The following PRKCI variants were observed in gnomAD, a reference collection of about 807,000 sequenced individuals.
The protein encoded by PRKCI is protein kinase C iota, also known as protein kinase C iota type.
PRKCI carries 43 observed loss-of-function variants against 84.0 expected under a neutral mutation model. The ratio of observed to expected loss-of-function variants is 0.51; its 90% confidence interval spans 0.40 to 0.66. The LOEUF is 0.66. Ranked by LOEUF, PRKCI falls within the 30% of genes least tolerant of loss-of-function variation. The pLI is 0.00. For synonymous variants in PRKCI, 216 were observed against 234.4 expected (o/e 0.92, Z 0.72); for missense variants, 459 against 745.6 (o/e 0.62, Z 4.48).
At chr3:170,250,567 A>G (rs1733419393) in intron 2 of PRKCI, among the ~76,000 whole-genome samples, 1 of 151,770 alleles carries the variant, frequency 6.6e-6, no homozygotes, top group African/African-American at 2.4e-5. Flanking sequence ...CTGATTCTAG[A>G]CATTTCCTAT....
Position 170,222,587 on chromosome 3 carries a change from G to A in PRKCI, c.-83G>A, listed in dbSNP as rs149459853. On this transcript the variant is annotated 5_prime_UTR_variant, in exon 1 of 18. Coordinates refer to ENST00000295797, the MANE Select transcript of PRKCI (RefSeq NM_002740.6). ...GCGGACGGCCGCGGTTCTCCGGCAA[G>A]CGCAGGCGGCGGAGTCCCCCACGGC... 3,140 of 1,228,964 alleles carry A rather than the reference G, an allele frequency of 2.6e-3. 65 individuals are homozygous for A. The African/African-American group carries it at 0.043, about 17-fold the overall frequency. The allele number at this position is 1,228,964 out of a possible 1,614,324, so 76.1% of individuals were successfully genotyped here. A position where few individuals can be genotyped will look rare whatever the true frequency, so the allele number is the denominator to read the frequency against.
At position 170,284,614 on chromosome 3, in the gene PRKCI, GT is replaced by G; in HGVS notation, c.1203+20del. 1 of 1,604,254 alleles carries G rather than the reference GT, an allele frequency of 6.2e-7. No homozygotes were observed. Among genetic ancestry groups the G allele is most frequent in the Non-Finnish European group, 8.5e-7 (1 of 1,177,458 alleles). ...TGTGTAAGGTGAGGAAAATTTTCTA[GT>G]TATTTTAAAAGGTCTTCAGCAGCTA... On this transcript the variant is annotated intron_variant, in intron 12 of 17. Coordinates refer to ENST00000295797, the MANE Select transcript of PRKCI (RefSeq NM_002740.6).
intron 2 of PRKCI, among the ~76,000 whole-genome samples, chr3:170,243,581 A>G (rs535680246): frequency 6.6e-6 from 1 of 152,348 alleles, no homozygotes; most frequent in South Asian, 2.1e-4. Context: ...CTTTTATAAA[A>G]TGGAAAAAGA....
intron 14 of PRKCI, among the ~76,000 whole-genome samples, chr3:170,294,348 A>G (rs1377396002): frequency 6.6e-6 from 1 of 152,272 alleles, no homozygotes; most frequent in Non-Finnish European, 1.5e-5. Flanking sequence ...ATAAAATTCT[A>G]CATTTAATAA....
chr3:170,263,253 T>C, intron 3 of PRKCI, 126 bp from the exon 4 acceptor site: 3 of 682,378 alleles, frequency 4.4e-6, no homozygotes, highest in Non-Finnish European at 7.7e-6. Context: ...CTAAGTATCT[T>C]GTCTCAAGTG....
chr3:170,258,514 C>T (rs901447784), intron 2 of PRKCI, among the ~76,000 whole-genome samples: 1 of 151,980 alleles, frequency 6.6e-6, no homozygotes, highest in Non-Finnish European at 1.5e-5. Context: ...TCATGTTGGC[C>T]AGGCTGGTCT....
intron 2 of PRKCI, among the ~76,000 whole-genome samples, chr3:170,247,949 A>G (rs1340441457): frequency 6.6e-6 from 1 of 152,062 alleles, no homozygotes. Context: ...AAGCAGTGTA[A>G]CCCTTTACAG....
chr3:170,230,823 G>C (rs1036654087), intron 1 of PRKCI, among the ~76,000 whole-genome samples: 5 of 151,930 alleles, frequency 3.3e-5, no homozygotes, highest in African/African-American at 1.2e-4. Context: ...ATGTGCGTAG[G>C]TACTTTCTAT....
chr3:170,289,422 G>A (rs997408435), intron 12 of PRKCI, among the ~76,000 whole-genome samples: 2 of 152,134 alleles, frequency 1.3e-5, no homozygotes, highest in Non-Finnish European at 2.9e-5. Flanking sequence ...AATGTCTCTG[G>A]AGGGCCACAT....
rs531601614 is a variant in PRKCI at position 170,243,428 on chromosome 3, T to C, written c.223+8077T>C. 6.6e-5 allele frequency among the ~76,000 whole-genome samples: 10 copies of C among 152,322 alleles called. No individual in the cohort carries two copies. In the East Asian group the frequency reaches 1.9e-3, roughly 29 times the overall value. On this transcript the variant is annotated intron_variant, in intron 2 of 17. Transcript: ENST00000295797. ...ATTAATCTGTTGAAGATCATTGGGA[T>C]TGTTTTTGGTTTTGGCTGTTTTAAA...
chr3:170,243,920 G>C (rs1027423048), intron 2 of PRKCI, among the ~76,000 whole-genome samples: 1 of 152,194 alleles, frequency 6.6e-6, no homozygotes, highest in African/African-American at 2.4e-5. Flanking sequence ...GGAGAAAAAG[G>C]AATTAGACTG....
At chr3:170,236,522 A>G (rs1315534233) in intron 2 of PRKCI, among the ~76,000 whole-genome samples, 1 of 152,188 alleles carries the variant, frequency 6.6e-6, no homozygotes, top group Admixed American at 6.5e-5. Context: ...TTTGACAATC[A>G]TTATTTCAAA....
intron 2 of PRKCI, among the ~76,000 whole-genome samples, chr3:170,242,541 A>G (rs531269495): frequency 2.4e-4 from 36 of 151,770 alleles, no homozygotes; most frequent in African/African-American, 8.5e-4. Context: ...TGTAACTTAT[A>G]TAGTTTTCCT....
At chr3:170,265,702 C>T (rs981516964) in intron 4 of PRKCI, among the ~76,000 whole-genome samples, 1 of 151,434 alleles carries the variant, frequency 6.6e-6, no homozygotes, top group African/African-American at 2.4e-5. Flanking sequence ...GCAAGCTCTG[C>T]CTCCTGGGTT....
chr3:170,298,828 G>T (rs926178454), intron 16 of PRKCI, among the ~76,000 whole-genome samples, 167 bp from the exon 17 acceptor site: 1 of 151,956 alleles, frequency 6.6e-6, no homozygotes, highest in Non-Finnish European at 1.5e-5. Flanking sequence ...GGCGTGAGCC[G>T]CCATGCCCAG....
At chr3:170,282,665 C>A (rs1460493570) in intron 11 of PRKCI, among the ~76,000 whole-genome samples, 1 of 150,686 alleles carries the variant, frequency 6.6e-6, no homozygotes, top group African/African-American at 2.4e-5. Flanking sequence ...CCACTGCACT[C>A]CAGCCTGGCC....
intron 12 of PRKCI, among the ~76,000 whole-genome samples, chr3:170,289,326 AT>A (rs1462291682): frequency 6.6e-6 from 1 of 152,248 alleles, no homozygotes; most frequent in Non-Finnish European, 1.5e-5. Flanking sequence ...GTCACAACAT[AT>A]TACTAAATAT....
chr3:170,291,871 A>C lies in PRKCI; in HGVS notation c.1221A>C (p.Gly407=), dbSNP rs1734561720. ...AATAAAAGGAAGGATTACGGCCAGG[A>C]GATACAACCAGCACTTTCTGTGGTA... The part of the protein sequence containing the change: ...YGMCKEGLRP[G]DTTSTFCGTP... Residue 407 remains glycine, a synonymous_variant, in exon 13 of 18, where the codon GGA becomes GGC. Transcript: ENST00000295797. 1.9e-6 allele frequency: 3 copies of C among 1,605,638 alleles called. No homozygotes were observed. The East Asian group carries it at 6.7e-5, about 36-fold the overall frequency.
At chr3:170,251,886 G>T (rs1427768509) in intron 2 of PRKCI, among the ~76,000 whole-genome samples, 1 of 151,166 alleles carries the variant, frequency 6.6e-6, no homozygotes, top group African/African-American at 2.4e-5. Flanking sequence ...CTCCAGCCTG[G>T]GCAACAACAA....
Sources: gnomAD v4.1 joint callset for allele counts (sites outside exome capture counted in the v4.1 genomes callset) on GRCh38, gnomAD v4.1.1 for gene constraint, MANE v1.5 for transcripts, NCBI Gene and HGNC (gene_info 2026-07-23, HGNC 2026-07-21) for gene names.